Variants in DENND5A observed in about 807,000 individuals in gnomAD.
DENND5A encodes DENN domain containing 5A, also known as DENN domain-containing protein 5A.
DENND5A carries 64 observed loss-of-function variants against 140.3 expected under a neutral mutation model. The ratio of observed to expected loss-of-function variants is 0.46; its 90% CI spans 0.37 to 0.56. The LOEUF is 0.56. Ranked by LOEUF, DENND5A falls within the 20% of genes least tolerant of loss-of-function variation. DENND5A has a pLI of 0.00. For missense variants in DENND5A, 1,292 were observed against 1,593.8 expected (o/e 0.81, Z 3.22); for synonymous variants, 605 against 607.7 (o/e 1.00, Z 0.07).
chr11:9,149,053 A>G (rs1847526096), intron 15 of DENND5A, among the ~76,000 whole-genome samples: 1 of 152,254 alleles, frequency 6.6e-6, no homozygotes, highest in South Asian at 2.1e-4. Flanking sequence ...TAAAGGGGGC[A>G]CTACATGGTA....
intron 16 of DENND5A, 128 bp from the exon 17 acceptor site, chr11:9,145,943 C>G (rs993797954): frequency 2.0e-6 from 2 of 1,025,630 alleles, no homozygotes; most frequent in African/African-American, 3.2e-5. Flanking sequence ...AAGCAGAGCC[C>G]TGGAACAAGA....
chr11:9,254,802 G>GTGGT lies in DENND5A; in HGVS notation c.109+10155_109+10158dup, dbSNP rs1186942430. ...TAAAAGTCTCAGTCGGCAAGGTGTG[G>GTGGT]TGGTTCACACCTGTAATCCCAGCCC... On this transcript the variant is annotated intron_variant, in intron 1 of 22. Coordinates refer to ENST00000328194, the MANE Select transcript of DENND5A (RefSeq NM_015213.4). Among the ~76,000 whole-genome samples, 5 of 152,234 alleles carry GTGGT rather than the reference G, an allele frequency of 3.3e-5. No homozygotes were observed. The East Asian group carries it at 9.7e-4, about 29-fold the overall frequency.
intron 1 of DENND5A, among the ~76,000 whole-genome samples, chr11:9,236,900 A>G (rs1366436655): frequency 2.0e-5 from 3 of 152,168 alleles, no homozygotes; most frequent in African/African-American, 4.8e-5. Flanking sequence ...AAGTTTTGAT[A>G]TATTTCCTGA....
At chr11:9,142,166 C>G in intron 21 of DENND5A, 58 bp from the exon 22 acceptor site, 1 of 1,440,566 alleles carries the variant, frequency 6.9e-7, no homozygotes, top group Non-Finnish European at 9.3e-7. Context: ...CCCTGACGGT[C>G]CTACAGGCCA....
Position 9,147,197 on chromosome 11 carries a change from G to A in DENND5A, c.2736-46C>T, listed in dbSNP as rs761994078. Reference sequence around the variant, plus strand: ...CATCAGTCTCCGACCAAAAGGAAGGGAAAGAAACTAGAATTTTCAGTTCTG... The same window carrying A: ...CATCAGTCTCCGACCAAAAGGAAGGAAAAGAAACTAGAATTTTCAGTTCTG... On this transcript the variant is annotated intron_variant, in intron 15 of 22. Transcript: ENST00000328194. 7.5e-6 allele frequency: 12 copies of A among 1,600,888 alleles called. No homozygotes were observed. In the South Asian group the frequency reaches 1.3e-4, roughly 18 times the overall value.
intron 17 of DENND5A, 33 bp downstream of exon 17, chr11:9,145,637 C>A (rs980521942): frequency 1.9e-6 from 3 of 1,611,624 alleles, no homozygotes; most frequent in African/African-American, 2.7e-5. Context: ...AAACTCAGAT[C>A]CCCACAGAGC....
intron 10 of DENND5A, among the ~76,000 whole-genome samples, chr11:9,167,518 T>TGAC (rs1166652546): frequency 6.7e-6 from 1 of 149,916 alleles, no homozygotes; most frequent in East Asian, 1.9e-4. Flanking sequence ...CCAGGAGCAG[T>TGAC]GACTCTGGCC....
chr11:9,206,634 C>T (rs768258543), intron 3 of DENND5A, 39 bp downstream of exon 3: 21 of 1,386,396 alleles, frequency 1.5e-5, no homozygotes, highest in Non-Finnish European at 2.0e-5. Flanking sequence ...ATAAATTACT[C>T]TGTAAATTAT....
intron 6 of DENND5A, among the ~76,000 whole-genome samples, chr11:9,179,499 C>CCTTT (rs2136174081): frequency 7.0e-6 from 1 of 142,062 alleles, no homozygotes; most frequent in Non-Finnish European, 1.5e-5. Context: ...TGCAAAAAAA[C>CCTTT]CTTTTTTTTT....
chr11:9,194,252 T>C (rs1167418320), intron 4 of DENND5A, among the ~76,000 whole-genome samples: 1 of 152,168 alleles, frequency 6.6e-6, no homozygotes, highest in Admixed American at 6.5e-5. Flanking sequence ...AAAAATGTTA[T>C]TATAACGTTT....
intron 1 of DENND5A, among the ~76,000 whole-genome samples, chr11:9,257,748 CTGGGAT>C (rs2136302003): frequency 6.6e-6 from 1 of 151,152 alleles, no homozygotes; most frequent in African/African-American, 2.4e-5. Flanking sequence ...TCCCAAAGTG[CTGGGAT>C]TACAGGCGTG....
At chr11:9,150,545 C>T in intron 14 of DENND5A, 135 bp downstream of exon 14, 1 of 658,518 alleles carries the variant, frequency 1.5e-6, no homozygotes, top group Non-Finnish European at 2.6e-6. Flanking sequence ...AAACACAAGG[C>T]TTTGTGATTA....
In DENND5A at chr11:9,139,007, AAAAAG is replaced by A. The variant is rs1847141598; in HGVS notation, c.*659_*663del. ...AATAAATAAAACATTTTAAAAAAGAAAAAAGAAAAGAAAAACCTGTTAAAACATGC... is the reference window on the plus strand; with the variant it reads ...AATAAATAAAACATTTTAAAAAAGAAAAAAGAAAAACCTGTTAAAACATGC... On this transcript the variant is annotated 3_prime_UTR_variant, in exon 23 of 23. Transcript: ENST00000328194. 1 of 152,558 alleles carries A rather than the reference AAAAAG, an allele frequency of 6.6e-6. No homozygotes were observed. The highest frequency in any genetic ancestry group is 1.5e-5 in the Non-Finnish European group (1 of 68,036). 9.5% of individuals were successfully genotyped at this position (152,558 alleles called of 1,614,324 possible). A position where few individuals can be genotyped will look rare whatever the true frequency, so the allele number is the denominator to read the frequency against.
intron 10 of DENND5A, among the ~76,000 whole-genome samples, chr11:9,168,092 A>ATTTTTCTT (rs1848248799): frequency 7.0e-6 from 1 of 141,978 alleles, no homozygotes; most frequent in South Asian, 2.2e-4. Context: ...AACCTCAGTG[A>ATTTTTCTT]TTTTTTTTTT....
intron 21 of DENND5A, 77 bp downstream of exon 21, chr11:9,142,645 C>T: frequency 6.3e-7 from 1 of 1,575,022 alleles, no homozygotes; most frequent in Non-Finnish European, 8.6e-7. Context: ...TCAGAGTGGT[C>T]AGCACCCATG....
chr11:9,209,416 C>A (rs1369396160), intron 1 of DENND5A, among the ~76,000 whole-genome samples: 2 of 152,064 alleles, frequency 1.3e-5, no homozygotes, highest in Non-Finnish European at 2.9e-5. Context: ...GAAGTGTGGT[C>A]AAAAGGGAGA....
At chr11:9,245,637 T>A (rs553735658) in intron 1 of DENND5A, 1 of 152,150 alleles carries the variant, frequency 6.6e-6, no homozygotes, top group African/African-American at 2.4e-5. Context: ...AATTTAATTT[T>A]ATTTATTTAT....
Position 9,169,930 on chromosome 11 carries a change from G to A in DENND5A, c.2077C>T (p.Pro693Ser). The change falls in exon 10 of 23, where the codon CCT (proline) becomes TCT (serine). Residue 693 changes from proline to serine, a missense_variant. Pro to Ser is a moderately conservative substitution (Grantham distance 74, BLOSUM62 -1). Transcript: ENST00000328194. The stretch of plus-strand genomic sequence containing the variant: ...CGATCTTTCCGCCTCCACTGGGCAG[G>A]GGCATTCCTTTTCGTCCACCTAACA... ...ASNKWTKRNA[P>S]AQWRRKDRQK... 1 of 1,613,492 alleles carries A rather than the reference G, an allele frequency of 6.2e-7. No homozygotes were observed. The highest frequency in any genetic ancestry group is 1.1e-5 in the South Asian group (1 of 91,058).
intron 22 of DENND5A, 95 bp from the exon 23 acceptor site, chr11:9,139,949 G>A (rs762150442): frequency 1.5e-4 from 197 of 1,289,864 alleles, no homozygotes; most frequent in Non-Finnish European, 2.1e-4. Context: ...CATGAACTAA[G>A]TCTGAAGCTG....
Sources: allele counts gnomAD v4.1 joint callset (sites outside exome capture counted in the v4.1 genomes callset), GRCh38; gene constraint gnomAD v4.1.1; transcripts MANE v1.5; gene names NCBI Gene and HGNC (gene_info 2026-07-23, HGNC 2026-07-21).